The following SEC31A variants were observed in gnomAD, a reference collection of about 807,000 sequenced individuals.
SEC31A encodes SEC31 homolog A, COPII component, also known as protein transport protein Sec31A.
SEC31A carries 70 observed loss-of-function variants against 151.0 expected under a neutral mutation model. That is an observed-to-expected ratio of 0.46 (90% confidence interval 0.38 to 0.57). The LOEUF is 0.57. Among genes scored for constraint, SEC31A ranks in the 20% least tolerant of loss-of-function variants. The pLI is 0.00. For synonymous variants in SEC31A, 475 were observed against 505.9 expected (o/e 0.94, Z 0.82); for missense variants, 1,330 against 1,471.2 (o/e 0.90, Z 1.57).
At chr4:82,836,688 A>G (rs909072512) in intron 22 of SEC31A, among the ~76,000 whole-genome samples, 3 of 152,206 alleles carry the variant, frequency 2.0e-5, no homozygotes, top group South Asian at 4.1e-4. Flanking sequence ...CAGAAAGTAG[A>G]ACAGTAGTTA....
At chr4:82,861,029 A>C (rs986271385) in intron 14 of SEC31A, among the ~76,000 whole-genome samples, 1 of 151,876 alleles carries the variant, frequency 6.6e-6, no homozygotes, top group Admixed American at 6.6e-5. Context: ...ATAAAATTAG[A>C]AAGCAAGAAA....
Position 82,875,792 on chromosome 4 carries a change from A to C in SEC31A, c.433T>G (p.Ser145Ala). 6.2e-7 allele frequency: 1 copy of C among 1,607,810 alleles called. No homozygotes were observed. The highest frequency in any genetic ancestry group is 8.5e-7 in the Non-Finnish European group (1 of 1,176,598). The change falls in exon 5 of 27, where the codon TCT becomes GCT. Residue 145 changes from serine (S) to alanine (A), a missense_variant. Ser to Ala is a moderately conservative substitution (Grantham distance 99, BLOSUM62 1). Coordinates refer to ENST00000395310, the MANE Select transcript of SEC31A (RefSeq NM_001077207.4). ...TTTAGATCCCATATGTAGATTTCAG[A>C]TTCATTAGCACCAGAAGCTACCAGA... Reference protein sequence around the residue: ...TNLVASGANESEIYIWDLNNF... With the variant: ...TNLVASGANEAEIYIWDLNNF...
chr4:82,854,988 A>C lies in SEC31A; in HGVS notation c.1923T>G (p.Val641=). Residue 641 remains valine, a synonymous_variant, in exon 17 of 27, where the codon GTT becomes GTG. Coordinates refer to ENST00000395310, the MANE Select transcript of SEC31A (RefSeq NM_001077207.4). ...TCCAATTTTTAAGATCACAAGACTC[A>C]ACAATCTCTTTCCAGTTCTTCATCA... The part of the protein sequence containing the change: ...AVVMKNWKEI[V]ESCDLKNWRE... 2 of 1,613,892 alleles carry C rather than the reference A, an allele frequency of 1.2e-6. No homozygotes were observed. Among genetic ancestry groups the C allele is most frequent in the Non-Finnish European group, 1.7e-6 (2 of 1,179,870 alleles).
At chr4:82,894,831 G>A (rs752825088), upstream of SEC31A, 9 of 152,188 alleles carry the variant, frequency 5.9e-5, no homozygotes, top group Non-Finnish European at 1.0e-4. Context: ...ATTCTTCTTA[G>A]TGCTTCAAAC....
chr4:82,880,720 G>T, intron 3 of SEC31A, 79 bp downstream of exon 3: 2 of 1,212,412 alleles, frequency 1.6e-6, no homozygotes, highest in South Asian at 1.7e-5. Flanking sequence ...TTCTAATAAT[G>T]GCATAATTAT....
At chr4:82,882,400 T>C (rs1739571616) in intron 1 of SEC31A, among the ~76,000 whole-genome samples, 1 of 34,086 alleles carries the variant, frequency 2.9e-5, no homozygotes, top group African/African-American at 1.6e-4. Context: ...AGACTCTATC[T>C]CAAAAAAAAA....
At chr4:82,853,120 T>A (rs1252511666) in intron 18 of SEC31A, among the ~76,000 whole-genome samples, 1 of 152,102 alleles carries the variant, frequency 6.6e-6, no homozygotes, top group East Asian at 1.9e-4. Context: ...GGCCTGGGGG[T>A]TGGGGACCTC....
At chr4:82,823,461 C>G (rs556412210) in intron 25 of SEC31A, among the ~76,000 whole-genome samples, 1 of 152,176 alleles carries the variant, frequency 6.6e-6, no homozygotes, top group Non-Finnish European at 1.5e-5. Flanking sequence ...ACTTTCAGTA[C>G]AGAGAATGGC....
intron 1 of SEC31A, among the ~76,000 whole-genome samples, chr4:82,883,332 T>C (rs1235360082): frequency 6.6e-6 from 1 of 152,212 alleles, no homozygotes; most frequent in Admixed American, 6.5e-5. Context: ...CTGCACGTTA[T>C]TTCATTAAAA....
intron 14 of SEC31A, 84 bp downstream of exon 14, chr4:82,861,547 A>T: frequency 1.3e-6 from 1 of 789,102 alleles, no homozygotes; most frequent in Non-Finnish European, 2.1e-6. Flanking sequence ...TGCCATAAGT[A>T]GTCAAGAAAA....
rs549344611 is a variant in SEC31A at position 82,863,138 on chromosome 4, T to C, written c.1509+180A>G. On this transcript the variant is annotated intron_variant, in intron 12 of 26. Transcript: ENST00000395310. ...ATTTATCAATATGTATTCAAAACTCTGGCAACCACTGTGGGTAATGATGGA... is the reference window on the plus strand; with the variant it reads ...ATTTATCAATATGTATTCAAAACTCCGGCAACCACTGTGGGTAATGATGGA... The C allele has an allele frequency of 9.0e-5, 48 of 531,182 alleles. No homozygotes were observed. The African/African-American group carries it at 9.2e-4, about 10-fold the overall frequency. The allele number at this position is 531,182 out of a possible 1,614,324, so 32.9% of individuals were successfully genotyped here.
intron 23 of SEC31A, among the ~76,000 whole-genome samples, chr4:82,828,302 T>G (rs904097677): frequency 7.2e-5 from 11 of 152,218 alleles, no homozygotes; most frequent in African/African-American, 2.7e-4. Context: ...GTGTTTAATA[T>G]GATCAGAATG....
At chr4:82,847,624 CTG>C (rs1334874954) in intron 20 of SEC31A, among the ~76,000 whole-genome samples, 1 of 152,156 alleles carries the variant, frequency 6.6e-6, no homozygotes, top group Non-Finnish European at 1.5e-5. Context: ...AATTCAAGCT[CTG>C]TGTCTTCAGT....
intron 14 of SEC31A, among the ~76,000 whole-genome samples, 178 bp downstream of exon 14, chr4:82,861,453 C>T (rs2149478241): frequency 6.6e-6 from 1 of 152,316 alleles, no homozygotes; most frequent in South Asian, 2.1e-4. Context: ...GAACTAGAGT[C>T]TGGAGATGAT....
intron 22 of SEC31A, among the ~76,000 whole-genome samples, chr4:82,837,737 T>TG (rs1177125362): frequency 1.3e-5 from 2 of 152,188 alleles, no homozygotes; most frequent in Non-Finnish European, 2.9e-5. Context: ...AGAGAATCAC[T>TG]GGGGGAAGGA....
intron 18 of SEC31A, 134 bp from the exon 19 acceptor site, chr4:82,851,738 GT>G: frequency 2.9e-6 from 2 of 691,400 alleles, no homozygotes; most frequent in Non-Finnish European, 4.7e-6. Context: ...TCCTAGAAAA[GT>G]ACAGCCACTA....
rs1722750851 is a variant in SEC31A at position 82,818,856 on chromosome 4, T to TAGTGTTGCC, written c.*217_*218insGGCAACACT. ...TCCAGGAAATACACTATTTGCAGAA[T>TAGTGTTGCC]AGGAAAATCATCACTGGCAACAAAA... On this transcript the variant is annotated 3_prime_UTR_variant, in exon 27 of 27. Transcript: ENST00000395310. 2 of 378,926 alleles carry TAGTGTTGCC rather than the reference T, an allele frequency of 5.3e-6. No homozygotes were observed. The highest frequency in any genetic ancestry group is 4.1e-5 in the African/African-American group (2 of 48,344). 23.5% of individuals were successfully genotyped at this position (378,926 alleles called of 1,614,324 possible).
At chr4:82,899,688 G>C (rs1720225111) in intron 3 of SEC31A, 1 of 152,618 alleles carries the variant, frequency 6.6e-6, no homozygotes, top group Admixed American at 6.5e-5. Flanking sequence ...TATTATAATG[G>C]AAAACTGGTG....
intron 14 of SEC31A, among the ~76,000 whole-genome samples, chr4:82,858,539 T>C (rs1381921032): frequency 1.6e-4 from 7 of 42,670 alleles, no homozygotes; most frequent in Admixed American, 3.1e-4. Flanking sequence ...CGAGACTCTG[T>C]CTCAAAAAAA....
Sources: gnomAD v4.1 joint callset for allele counts (sites outside exome capture counted in the v4.1 genomes callset) on GRCh38, gnomAD v4.1.1 for gene constraint, MANE v1.5 for transcripts, NCBI Gene and HGNC (gene_info 2026-07-23, HGNC 2026-07-21) for gene names.